Variants in GC observed in about 807,000 individuals in gnomAD.
The protein encoded by GC is GC vitamin D binding protein, also known as vitamin D-binding protein.
GC carries 43 observed loss-of-function variants against 56.7 expected under a neutral mutation model. That is an observed-to-expected ratio of 0.76 (90% CI 0.59 to 0.98). The LOEUF is 0.98. Among genes scored for constraint, GC ranks in the 50% least tolerant of loss-of-function variants. The pLI, the probability that GC is intolerant of heterozygous loss-of-function variation, is 0.00. For synonymous variants in GC, 216 were observed against 202.7 expected, an observed-to-expected ratio of 1.07 and a Z score of -0.56; for missense variants, 529 against 545.9, an observed-to-expected ratio of 0.97 and a Z score of 0.31.
chr4:71,742,202 C>G (rs746183309), intron 12 of GC, among the ~76,000 whole-genome samples: 1 of 152,028 alleles, frequency 6.6e-6, no homozygotes, highest in Non-Finnish European at 1.5e-5. Context: ...ATGGCCAAGG[C>G]AAAACTGTCA....
At chr4:71,765,370 T>C in intron 4 of GC, 62 bp downstream of exon 4, 1 of 1,282,524 alleles carries the variant, frequency 7.8e-7, no homozygotes, top group Non-Finnish European at 1.1e-6. Flanking sequence ...AGTAGGGGGT[T>C]AGATTAGAGT....
rs112304952 is a variant in GC, at chr4:71,795,256, C to T, written c.21+8670G>A. Among the ~76,000 whole-genome samples, 15 of 152,152 alleles carry T rather than the reference C, an allele frequency of 9.9e-5. 2 individuals carry two copies. The highest frequency in any genetic ancestry group is 3.4e-4 in the African/African-American group (14 of 41,552). Reference sequence around the variant, plus strand: ...TTGATCTATCTAATATTGACAGTGGCATGTTAAAGTCTCCCATTATTATTG... The same window carrying T: ...TTGATCTATCTAATATTGACAGTGGTATGTTAAAGTCTCCCATTATTATTG... On this transcript the variant is annotated intron_variant, in intron 1 of 13. Coordinates refer to the GC transcript ENST00000504199.
At chr4:71,781,535 T>C (rs992343510) in intron 1 of GC, among the ~76,000 whole-genome samples, 1 of 151,888 alleles carries the variant, frequency 6.6e-6, no homozygotes, top group Non-Finnish European at 1.5e-5. Flanking sequence ...TATAAATGTT[T>C]CCTGGTCATT....
chr4:71,790,446 C>T (rs1055355885), intron 1 of GC, among the ~76,000 whole-genome samples: 5 of 151,992 alleles, frequency 3.3e-5, no homozygotes, highest in Admixed American at 3.3e-4. Context: ...TTTATCAAGA[C>T]ATAATCTTGG....
chr4:71,800,649 A>G (rs1409263234), intron 1 of GC, among the ~76,000 whole-genome samples: 1 of 152,190 alleles, frequency 6.6e-6, no homozygotes, highest in Non-Finnish European at 1.5e-5. Context: ...TCTTTGAGGA[A>G]TTGTCACACT....
chr4:71,765,203 A>G (rs1742116554), intron 4 of GC, among the ~76,000 whole-genome samples: 1 of 152,214 alleles, frequency 6.6e-6, no homozygotes, highest in Admixed American at 6.5e-5. Context: ...TCTGGTTCAG[A>G]TAATAGGATT....
intron 1 of GC, among the ~76,000 whole-genome samples, chr4:71,776,855 T>C (rs1742523691): frequency 1.3e-5 from 2 of 151,910 alleles, no homozygotes; most frequent in Non-Finnish European, 2.9e-5. Flanking sequence ...AAAATACACG[T>C]CTTAATGACT....
At chr4:71,796,240 A>T (rs973976149) in intron 1 of GC, among the ~76,000 whole-genome samples, 7 of 152,134 alleles carry the variant, frequency 4.6e-5, no homozygotes, top group African/African-American at 1.7e-4. Context: ...TCTCCTGGAT[A>T]ATATCCTTAA....
At chr4:71,797,227 C>T (rs948285697) in intron 1 of GC, among the ~76,000 whole-genome samples, 2 of 152,238 alleles carry the variant, frequency 1.3e-5, no homozygotes, top group Non-Finnish European at 2.9e-5. Flanking sequence ...CAGGGCTGTT[C>T]AGACAGGACA....
At chr4:71,798,250 A>G (rs1743161202) in intron 1 of GC, among the ~76,000 whole-genome samples, 1 of 152,070 alleles carries the variant, frequency 6.6e-6, no homozygotes, top group Non-Finnish European at 1.5e-5. Flanking sequence ...TTATCTTTTA[A>G]AGTTTTCATT....
intron 1 of GC, among the ~76,000 whole-genome samples, chr4:71,797,792 G>A (rs947009389): frequency 3.3e-5 from 5 of 152,180 alleles, no homozygotes; most frequent in Admixed American, 6.5e-5. Context: ...GTTCCCATTC[G>A]GCCATCTTGA....
At chr4:71,754,921 C>T in intron 9 of GC, 57 bp downstream of exon 9, 1 of 1,298,570 alleles carries the variant, frequency 7.7e-7, no homozygotes, top group South Asian at 1.5e-5. Context: ...GGCCCATGAA[C>T]TATAATTTTC....
chr4:71,796,828 G>A (rs1272536753), intron 1 of GC, among the ~76,000 whole-genome samples: 3 of 152,118 alleles, frequency 2.0e-5, no homozygotes, highest in Non-Finnish European at 2.9e-5. Context: ...TTTGATGTTG[G>A]TGACCTACAT....
intron 12 of GC, among the ~76,000 whole-genome samples, chr4:71,742,376 T>A (rs1741210520): frequency 6.6e-6 from 1 of 152,208 alleles, no homozygotes; most frequent in Admixed American, 6.5e-5. Flanking sequence ...TATAATATAG[T>A]TATGTCACAG....
chr4:71,745,894 C>A (rs1741348009), intron 12 of GC, among the ~76,000 whole-genome samples: 1 of 151,838 alleles, frequency 6.6e-6, no homozygotes, highest in South Asian at 2.1e-4. Flanking sequence ...CATTATGTTA[C>A]ATGTGAGATT....
chr4:71,792,871 C>G (rs1035260475), intron 1 of GC, among the ~76,000 whole-genome samples: 1 of 152,156 alleles, frequency 6.6e-6, no homozygotes, highest in Non-Finnish European at 1.5e-5. Context: ...TTTCAGCTTT[C>G]TACATATGGC....
At chr4:71,768,196 A>G in intron 3 of GC, 105 bp downstream of exon 3, 3 of 820,422 alleles carry the variant, frequency 3.7e-6, no homozygotes, top group Non-Finnish European at 5.5e-6. Flanking sequence ...CCAAACTAGG[A>G]GTAAATGGAG....
chr4:71,795,590 T>C (rs1743079235), intron 1 of GC, among the ~76,000 whole-genome samples: 3 of 152,246 alleles, frequency 2.0e-5, no homozygotes, highest in Non-Finnish European at 4.4e-5. Flanking sequence ...AGCACACTGA[T>C]GGGTCTTGAC....
intron 4 of GC, among the ~76,000 whole-genome samples, chr4:71,765,208 A>C (rs536551035): frequency 6.6e-6 from 1 of 152,184 alleles, no homozygotes; most frequent in Non-Finnish European, 1.5e-5. Context: ...TTCAGATAAT[A>C]GGATTAGGGT....
Sources: gnomAD v4.1 joint callset for allele counts (sites outside exome capture counted in the v4.1 genomes callset) on GRCh38, gnomAD v4.1.1 for gene constraint, MANE v1.5 for transcripts, NCBI Gene and HGNC (gene_info 2026-07-23, HGNC 2026-07-21) for gene names.